SLC1A7: variants seen among roughly 807,000 people sequenced by gnomAD.
The protein encoded by SLC1A7 is excitatory amino acid transporter 5.
Under a neutral mutation model 47.7 loss-of-function variants are expected in SLC1A7, and 40 were observed. The ratio of observed to expected loss-of-function variants is 0.84; its 90% CI spans 0.65 to 1.09. SLC1A7 has a LOEUF of 1.09. SLC1A7 is among the 50% of genes least tolerant of loss of function. The pLI, the probability that SLC1A7 is intolerant of heterozygous loss-of-function variation, is 0.00. For missense variants in SLC1A7, 746 were observed against 769.5 expected (o/e 0.97, Z 0.36); for synonymous variants, 323 against 325.6 (o/e 0.99, Z 0.09).
intron 2 of SLC1A7, among the ~76,000 whole-genome samples, chr1:53,122,049 A>C (rs917661726): frequency 1.3e-5 from 2 of 151,752 alleles, no homozygotes; most frequent in African/African-American, 4.8e-5. Context: ...TGTGGTCCGG[A>C]GCGGAGCAGA....
At chr1:53,099,451 T>TC (rs1557671986) in intron 5 of SLC1A7, among the ~76,000 whole-genome samples, 1 of 146,706 alleles carries the variant, frequency 6.8e-6, no homozygotes, top group Non-Finnish European at 1.5e-5. Context: ...TCACACAACC[T>TC]GCCTCGGTAC....
Position 53,131,191 on chromosome 1 carries a change from G to A in SLC1A7, c.215+3159C>T, listed in dbSNP as rs991152503. Among the ~76,000 whole-genome samples, 3 of 152,344 alleles carry A rather than the reference G, an allele frequency of 2.0e-5. No homozygotes were observed. The South Asian group carries it at 6.2e-4, about 32-fold the overall frequency. ...GTGGAGGGAGACCAGGCATTTGAGA[G>A]CCAGAAGGTGGAGAGCTGGACGGGC... On this transcript the variant is annotated intron_variant, in intron 2 of 10. Coordinates refer to ENST00000371494, the MANE Select transcript of SLC1A7 (RefSeq NM_006671.6).
intron 3 of SLC1A7, among the ~76,000 whole-genome samples, chr1:53,112,805 T>C (rs1644714082): frequency 6.6e-6 from 1 of 152,050 alleles, no homozygotes; most frequent in Non-Finnish European, 1.5e-5. Context: ...GTCTAGGGGA[T>C]GTTGTAAGTA....
chr1:53,094,017 C>G (rs138616170), intron 5 of SLC1A7, among the ~76,000 whole-genome samples: 3 of 152,194 alleles, frequency 2.0e-5, no homozygotes, highest in Admixed American at 2.0e-4. Flanking sequence ...TTGCGCAAGC[C>G]GTTTACACAG....
chr1:53,136,611 A>AATAT (rs72145100), intron 1 of SLC1A7, among the ~76,000 whole-genome samples: 1 of 48,322 alleles, frequency 2.1e-5, no homozygotes, highest in African/African-American at 9.6e-5. Context: ...AAACATATAT[A>AATAT]ATATATATAA....
chr1:53,139,069 G>C (rs999857316), intron 1 of SLC1A7, among the ~76,000 whole-genome samples: 1 of 152,178 alleles, frequency 6.6e-6, no homozygotes, highest in East Asian at 1.9e-4. Flanking sequence ...TTTCACATTA[G>C]GAGCCTCCTC....
At chr1:53,118,719 C>G (rs1644788836) in intron 2 of SLC1A7, 1 of 152,100 alleles carries the variant, frequency 6.6e-6, no homozygotes, top group Non-Finnish European at 1.5e-5. Flanking sequence ...ATTTTTAGGC[C>G]AGGCACGGTG....
chr1:53,101,348 C>T lies in SLC1A7; in HGVS notation c.697+1998G>A, dbSNP rs35707584. Among the ~76,000 whole-genome samples the T allele has an allele frequency of 3.1e-3, 302 of 98,078 alleles. 3 individuals are homozygous for T. Among genetic ancestry groups the T allele is most frequent in the African/African-American group, 8.6e-3 (226 of 26,308 alleles). 64.3% of individuals were successfully genotyped at this position (98,078 alleles called of 152,430 possible). ...CTCACACACCCCTCCTCGGTACACT[C>T]GCACACCCCGCTTTGGTACACTCAC... On this transcript the variant is annotated intron_variant, in intron 5 of 10. Transcript: ENST00000371494.
chr1:53,098,527 G>A (rs3766772), intron 5 of SLC1A7, among the ~76,000 whole-genome samples: 30,909 of 142,634 alleles, frequency 0.22, 3,257 homozygotes, highest in Middle Eastern at 0.37. Flanking sequence ...ACACTCATAT[G>A]CCCTGCCTCA....
In SLC1A7 at chr1:53,121,992, C is replaced by T. The variant is rs36026049; in HGVS notation, c.216-7019G>A. Among the ~76,000 whole-genome samples, 1,120 of 149,240 alleles carry T rather than the reference C, an allele frequency of 7.5e-3. 2 individuals carry two copies. The highest frequency in any genetic ancestry group is 0.011 in the Non-Finnish European group (763 of 67,474). ...GGGTAGGCAGCAGGTGATAGAGGCA[C>T]GTGCCTGGTTGCGGGGAGCAGCTGG... On this transcript the variant is annotated intron_variant, in intron 2 of 10. Transcript: ENST00000371494.
At chr1:53,103,145 G>T in intron 5 of SLC1A7, 1 of 520,434 alleles carries the variant, frequency 1.9e-6, no homozygotes, top group Non-Finnish European at 3.4e-6. Context: ...GGCCTGAGGG[G>T]GAGGTGCCAG....
intron 1 of SLC1A7, among the ~76,000 whole-genome samples, chr1:53,136,642 C>T (rs1321201176): frequency 3.5e-5 from 3 of 84,568 alleles, no homozygotes; most frequent in African/African-American, 1.5e-4. Context: ...TATATAAAAA[C>T]ATATATATAT....
chr1:53,127,565 C>T (rs144000828), intron 2 of SLC1A7, among the ~76,000 whole-genome samples: 5 of 152,304 alleles, frequency 3.3e-5, no homozygotes, highest in East Asian at 1.9e-4. Flanking sequence ...ATCCTCCTCC[C>T]GCAGTGTGGC....
intron 3 of SLC1A7, among the ~76,000 whole-genome samples, chr1:53,105,983 G>A (rs1484754085): frequency 6.6e-6 from 1 of 152,062 alleles, no homozygotes; most frequent in African/African-American, 2.4e-5. Flanking sequence ...TCCAGAGCCA[G>A]GCATTTGTCT....
At chr1:53,091,094 A>C in intron 7 of SLC1A7, 1 of 809,308 alleles carries the variant, frequency 1.2e-6, no homozygotes, top group Non-Finnish European at 1.9e-6. Context: ...TCTGAGCAGC[A>C]GGGCCCTGGG....
chr1:53,093,782 C>T (rs1644453805), intron 5 of SLC1A7, among the ~76,000 whole-genome samples: 1 of 152,160 alleles, frequency 6.6e-6, no homozygotes, highest in Non-Finnish European at 1.5e-5. Flanking sequence ...ATGTCACCTC[C>T]TCAGGATAAA....
At chr1:53,140,061 A>G (rs572949537) in intron 1 of SLC1A7, among the ~76,000 whole-genome samples, 2 of 152,374 alleles carry the variant, frequency 1.3e-5, no homozygotes, top group East Asian at 1.9e-4. Context: ...TTACAAAACA[A>G]GAAGTGTTTA....
chr1:53,142,332 G>C lies in SLC1A7; in HGVS notation c.118C>G (p.Arg40Gly), dbSNP rs775697947. The change falls in exon 1 of 11, where the codon CGG becomes GGG. Residue 40 changes from arginine to glycine, a missense_variant. Arg to Gly is a moderately radical substitution (Grantham distance 125, BLOSUM62 -2). Coordinates refer to ENST00000371494, the MANE Select transcript of SLC1A7 (RefSeq NM_006671.6). ...TGGCTGACCTGTGGTGAGAGGCGCC[G>C]GGTCCTCAAGAAGAAGCCGAGGAGG... ...GCLLGFFLRT[R>G]RLSPQEISYF... 37 of 1,564,002 alleles carry C rather than the reference G, an allele frequency of 2.4e-5. No homozygotes were observed. Among genetic ancestry groups the C allele is most frequent in the Non-Finnish European group, 2.5e-5 (29 of 1,153,688 alleles).
At chr1:53,102,898 A>G (rs1162277553) in intron 5 of SLC1A7, 1 of 154,808 alleles carries the variant, frequency 6.5e-6, no homozygotes, top group Non-Finnish European at 1.4e-5. Context: ...TTCCTTGACA[A>G]GAAAACCCAG....
Sources: allele counts gnomAD v4.1 joint callset (sites outside exome capture counted in the v4.1 genomes callset), GRCh38; gene constraint gnomAD v4.1.1; transcripts MANE v1.5; gene names NCBI Gene and HGNC (gene_info 2026-07-23, HGNC 2026-07-21).